The following SNTG1 variants were observed in gnomAD, a reference collection of about 807,000 sequenced individuals.
The protein encoded by SNTG1 is syntrophin gamma 1, also known as gamma-1-syntrophin.
In SNTG1, 39 loss-of-function variants were observed where a neutral mutation model predicts 74.7. The ratio of observed to expected loss-of-function variants is 0.52; its 90% confidence interval spans 0.40 to 0.68. The LOEUF is 0.68. Among genes scored for constraint, SNTG1 ranks in the 30% least tolerant of loss-of-function variants. The pLI is 0.00. For synonymous variants in SNTG1, 254 were observed against 217.1 expected (o/e 1.17, Z -1.49); for missense variants, 685 against 609.5 (o/e 1.12, Z -1.30).
chr8:50,350,042 G>A (rs2091604093), intron 2 of SNTG1, among the ~76,000 whole-genome samples: 1 of 152,202 alleles, frequency 6.6e-6, no homozygotes, highest in African/African-American at 2.4e-5. Context: ...GCCGGGCAAT[G>A]AGGGGCTTAG....
intron 17 of SNTG1, among the ~76,000 whole-genome samples, chr8:50,719,086 C>A (rs1240998019): frequency 6.6e-6 from 1 of 152,034 alleles, no homozygotes; most frequent in Admixed American, 6.5e-5. Context: ...ATTGATAATA[C>A]AAATTATTAG....
intron 4 of SNTG1, among the ~76,000 whole-genome samples, chr8:50,436,963 T>C (rs571172406): frequency 6.6e-6 from 1 of 152,236 alleles, no homozygotes; most frequent in South Asian, 2.1e-4. Context: ...CAACAAACAG[T>C]ATGCTGAAAA....
intron 8 of SNTG1, among the ~76,000 whole-genome samples, chr8:50,486,482 T>A (rs201680498): frequency 3.8e-4 from 1 of 2,612 alleles, no homozygotes; most frequent in Non-Finnish European, 3.5e-3. Context: ...ATGCTTGTGA[T>A]TTTTTGTACA....
At chr8:50,186,961 C>G (rs1011523304) in intron 2 of SNTG1, among the ~76,000 whole-genome samples, 2 of 151,978 alleles carry the variant, frequency 1.3e-5, no homozygotes, top group Non-Finnish European at 2.9e-5. Context: ...TTTGCCCACG[C>G]CTATTTCCTG....
intron 12 of SNTG1, among the ~76,000 whole-genome samples, chr8:50,570,232 TTTTA>T (rs2094539439): frequency 1.9e-5 from 1 of 52,972 alleles, no homozygotes; most frequent in Non-Finnish European, 5.1e-5. Flanking sequence ...TCTATTTTTA[TTTTA>T]TTTTATTTTA....
Position 50,672,003 on chromosome 8 carries a change from A to G in SNTG1, c.1038+13340A>G, listed in dbSNP as rs375580493. On this transcript the variant is annotated intron_variant, in intron 15 of 18. Coordinates refer to ENST00000642720, the MANE Select transcript of SNTG1 (RefSeq NM_018967.5). The stretch of plus-strand genomic sequence containing the variant: ...GATGGGAATTGAACAATGAGAACAC[A>G]TGGACACAGGAAGGGGAACATCACA... Among the ~76,000 whole-genome samples, 6 of 130,708 alleles carry G rather than the reference A, an allele frequency of 4.6e-5. No individual in the cohort carries two copies. The East Asian group carries it at 1.2e-3, about 26-fold the overall frequency. The allele number at this position is 130,708 out of a possible 152,430, so 85.7% of individuals were successfully genotyped here. A position where few individuals can be genotyped will look rare whatever the true frequency, so the allele number is the denominator to read the frequency against.
chr8:50,023,693 C>T (rs1238743292), intron 1 of SNTG1, among the ~76,000 whole-genome samples: 3 of 152,166 alleles, frequency 2.0e-5, no homozygotes, highest in African/African-American at 7.2e-5. Context: ...ACCACCACAT[C>T]TTTCAAAGAC....
chr8:49,977,505 T>C (rs1309911125), intron 1 of SNTG1, among the ~76,000 whole-genome samples: 1 of 152,148 alleles, frequency 6.6e-6, no homozygotes, highest in African/African-American at 2.4e-5. Context: ...CTGAATTCAT[T>C]ATTTTTATCT....
chr8:50,376,972 G>A (rs894746329), intron 2 of SNTG1, among the ~76,000 whole-genome samples: 2 of 152,018 alleles, frequency 1.3e-5, no homozygotes, highest in African/African-American at 2.4e-5. Flanking sequence ...AAGCAGTGAA[G>A]GATTCAACCT....
intron 17 of SNTG1, among the ~76,000 whole-genome samples, chr8:50,740,873 G>T (rs966272213): frequency 1.3e-5 from 2 of 152,014 alleles, no homozygotes; most frequent in African/African-American, 4.8e-5. Flanking sequence ...ATTATCTTTA[G>T]CAAACCAATA....
chr8:49,952,408 T>C (rs1809805712), intron 1 of SNTG1, among the ~76,000 whole-genome samples: 1 of 152,010 alleles, frequency 6.6e-6, no homozygotes, highest in Non-Finnish European at 1.5e-5. Context: ...CATAAAACCA[T>C]GGTGAGAGGC....
intron 1 of SNTG1, among the ~76,000 whole-genome samples, chr8:49,937,169 TAAAC>T (rs150663822): frequency 0.033 from 4,981 of 151,172 alleles, 121 homozygotes; most frequent in Non-Finnish European, 0.054. Flanking sequence ...AACAAACAAA[TAAAC>T]AAACCCAGTT....
intron 2 of SNTG1, among the ~76,000 whole-genome samples, chr8:50,300,098 A>C (rs186499696): frequency 1.3e-5 from 2 of 152,240 alleles, no homozygotes; most frequent in East Asian, 3.9e-4. Flanking sequence ...ACAAAAGAGG[A>C]ACTAAATGCA....
chr8:50,405,564 T>C (rs1341581903), intron 4 of SNTG1, among the ~76,000 whole-genome samples: 1 of 152,080 alleles, frequency 6.6e-6, no homozygotes. Flanking sequence ...TTATCAGATA[T>C]GTGATTTGCA....
intron 2 of SNTG1, among the ~76,000 whole-genome samples, chr8:50,222,859 C>A (rs4873138): frequency 0.046 from 7,020 of 152,152 alleles, 385 homozygotes; most frequent in South Asian, 0.14. Flanking sequence ...ACATATAACA[C>A]CATCTGAGGC....
chr8:50,031,520 C>A (rs1012439838), intron 1 of SNTG1, among the ~76,000 whole-genome samples: 1 of 151,916 alleles, frequency 6.6e-6, no homozygotes, highest in African/African-American at 2.4e-5. Context: ...TCCTAGTTTA[C>A]CAAAGTTTTT....
intron 9 of SNTG1, among the ~76,000 whole-genome samples, chr8:50,517,568 T>C (rs1169181709): frequency 1.7e-5 from 2 of 116,594 alleles, no homozygotes; most frequent in Non-Finnish European, 3.3e-5. Context: ...AAGACACACA[T>C]AGGCTCAAAT....
chr8:50,246,649 C>A (rs531553203), intron 2 of SNTG1, among the ~76,000 whole-genome samples: 2 of 152,002 alleles, frequency 1.3e-5, no homozygotes, highest in African/African-American at 4.8e-5. Context: ...GGAGCATTAT[C>A]GTGGTGAAGA....
At chr8:50,169,474 G>C (rs777271310) in intron 1 of SNTG1, among the ~76,000 whole-genome samples, 1 of 152,144 alleles carries the variant, frequency 6.6e-6, no homozygotes, top group Non-Finnish European at 1.5e-5. Flanking sequence ...AGAGAAAAAT[G>C]TATAAAGACC....
Sources: allele counts gnomAD v4.1 joint callset (sites outside exome capture counted in the v4.1 genomes callset), GRCh38; gene constraint gnomAD v4.1.1; transcripts MANE v1.5; gene names NCBI Gene and HGNC (gene_info 2026-07-23, HGNC 2026-07-21).